The following USP9Y variants were observed in gnomAD, a reference collection of about 807,000 sequenced individuals.
USP9Y encodes ubiquitin carboxyl-terminal hydrolase 9Y.
Under a neutral mutation model 53.1 loss-of-function variants are expected in USP9Y, and 41 were observed. That is an observed-to-expected ratio of 0.77 (90% CI 0.60 to 1.00). The LOEUF (loss-of-function observed/expected upper bound fraction) is 1.00. Among genes scored for constraint, USP9Y ranks in the 50% least tolerant of loss-of-function variants. The probability of loss-of-function intolerance (pLI) is 0.00; values close to 1 mark genes in which losing one functional copy is unlikely to be tolerated. For missense variants in USP9Y, 567 were observed against 535.8 expected (o/e 1.06, Z -0.58); for synonymous variants, 220 against 173.7 (o/e 1.27, Z -2.09).
In USP9Y at chrY:12,739,092, G is replaced by T. The variant is rs750934357; in HGVS notation, c.1318-433G>T. Among the ~76,000 whole-genome samples, 4 of 32,769 alleles carry T rather than the reference G, an allele frequency of 1.2e-4. No homozygotes were observed. In the East Asian group the frequency reaches 3.1e-3, roughly 26 times the overall value. The allele number at this position is 32,769 out of a possible 37,273, so 87.9% of individuals were successfully genotyped here. A position where few individuals can be genotyped will look rare whatever the true frequency, so the allele number is the denominator to read the frequency against. ...TGTTTTTATATTATCTTAATGGCAG[G>T]TTTCTACTCCTGGGTCACTTGGGGA... On this transcript the variant is annotated intron_variant, in intron 11 of 45. Coordinates refer to ENST00000338981, the MANE Select transcript of USP9Y (RefSeq NM_004654.4).
At chrY:12,784,811 A>G in intron 22 of USP9Y, among the ~76,000 whole-genome samples, 1 of 33,130 alleles carries the variant, frequency 3.0e-5, no homozygotes. Flanking sequence ...GTTTTTACCT[A>G]ACTGTCTCAG....
intron 42 of USP9Y, 110 bp downstream of exon 42, chrY:12,847,437 G>T (rs1603203951): frequency 5.6e-6 from 1 of 177,273 alleles, no homozygotes; most frequent in Non-Finnish European, 1.0e-5. Context: ...GCTTAATGTT[G>T]TCTTTAAAAA....
At chrY:12,722,339 T>C in intron 5 of USP9Y, 152 bp downstream of exon 5, 2 of 134,219 alleles carry the variant, frequency 1.5e-5, no homozygotes, top group Admixed American at 1.3e-4. Flanking sequence ...ATTTTACATA[T>C]ATACATGCAT....
intron 24 of USP9Y, among the ~76,000 whole-genome samples, chrY:12,789,384 C>A (rs2053505236): frequency 6.1e-5 from 2 of 33,032 alleles, no homozygotes; most frequent in Admixed American, 5.5e-4. Flanking sequence ...ATAATCCCAG[C>A]ATTTTGGGAG....
At chrY:12,816,510 G>A (rs2148289662) in intron 32 of USP9Y, among the ~76,000 whole-genome samples, 166 bp downstream of exon 32, 1 of 33,915 alleles carries the variant, frequency 2.9e-5, no homozygotes, top group South Asian at 6.4e-4. Context: ...CTATGTAATA[G>A]ACTTAAAACT....
chrY:12,705,143 C>G, intron 1 of USP9Y, among the ~76,000 whole-genome samples: 1 of 32,630 alleles, frequency 3.1e-5, no homozygotes, highest in Non-Finnish European at 7.5e-5. Flanking sequence ...TTGCTGTGTC[C>G]CATCAGTTTT....
chrY:12,738,107 T>TA (rs1459972611), intron 10 of USP9Y, 50 bp from the exon 11 acceptor site: 5 of 335,166 alleles, frequency 1.5e-5, no homozygotes, highest in Non-Finnish European at 2.1e-5. Context: ...TTTCGCTTTT[T>TA]AAAAAAATTT....
chrY:12,733,249 T>C, intron 7 of USP9Y, among the ~76,000 whole-genome samples: 2 of 30,923 alleles, frequency 6.5e-5, no homozygotes, highest in Admixed American at 5.9e-4. Context: ...AGTCTGGCTG[T>C]GTTTCTCCAA....
chrY:12,802,742 T>C, intron 27 of USP9Y: 2 of 28,220 alleles, frequency 7.1e-5, no homozygotes, highest in South Asian at 8.9e-4. Context: ...TTTTTTTCTT[T>C]TTTTTTTTTT....
intron 12 of USP9Y, among the ~76,000 whole-genome samples, chrY:12,755,001 G>A (rs2053466968): frequency 3.1e-5 from 1 of 32,362 alleles, no homozygotes; most frequent in Non-Finnish European, 7.5e-5. Context: ...CTGCTGTGTC[G>A]TGTCTTGATG....
intron 32 of USP9Y, among the ~76,000 whole-genome samples, chrY:12,817,610 C>T: frequency 2.9e-5 from 1 of 34,068 alleles, no homozygotes; most frequent in Non-Finnish European, 7.3e-5. Flanking sequence ...TTAAGTCCTA[C>T]TTTTATAGCC....
At chrY:12,793,658 C>T in intron 27 of USP9Y, among the ~76,000 whole-genome samples, 1 of 33,390 alleles carries the variant, frequency 3.0e-5, no homozygotes, top group African/African-American at 1.2e-4. Context: ...TAATGACTCC[C>T]ATTTTCACTA....
At chrY:12,711,518 A>G in intron 3 of USP9Y, among the ~76,000 whole-genome samples, 1 of 31,616 alleles carries the variant, frequency 3.2e-5, no homozygotes, top group Non-Finnish European at 7.6e-5. Flanking sequence ...TATGCATTCA[A>G]TGGTATAAAT....
chrY:12,742,454 A>G, intron 12 of USP9Y, among the ~76,000 whole-genome samples: 1 of 33,033 alleles, frequency 3.0e-5, no homozygotes, highest in Non-Finnish European at 7.4e-5. Context: ...AGCTAGACAA[A>G]GAGTGCTGAT....
intron 27 of USP9Y, among the ~76,000 whole-genome samples, chrY:12,796,540 G>A: frequency 3.5e-5 from 1 of 28,306 alleles, no homozygotes; most frequent in African/African-American, 1.4e-4. Flanking sequence ...CAGCCTGGGC[G>A]GCTAAGTGAG....
intron 25 of USP9Y, 35 bp from the exon 26 acceptor site, chrY:12,791,464 G>A: frequency 2.6e-6 from 1 of 383,534 alleles, no homozygotes; most frequent in South Asian, 3.1e-5. Context: ...TTAATGTTCT[G>A]CCAGCACTTT....
intron 28 of USP9Y, 45 bp downstream of exon 28, chrY:12,810,332 C>A: frequency 6.6e-6 from 2 of 304,501 alleles, no homozygotes; most frequent in Non-Finnish European, 5.0e-6. Flanking sequence ...GCATTCTTAA[C>A]ATGAGAGACA....
In USP9Y at chrY:12,763,752, A is replaced by T. The variant is rs763339452; in HGVS notation, c.1900+3135A>T. ...CAGCAGTATGATCTCTGCTCACTACAGCTTCTGCCTCCCAGGTTCAAGTGA... is the reference window on the plus strand; with the variant it reads ...CAGCAGTATGATCTCTGCTCACTACTGCTTCTGCCTCCCAGGTTCAAGTGA... On this transcript the variant is annotated intron_variant, in intron 15 of 45. Transcript: ENST00000338981. 1.4e-3 allele frequency among the ~76,000 whole-genome samples: 32 copies of T among 23,474 alleles called. No individual in the cohort carries two copies. The East Asian group carries it at 0.032, about 23-fold the overall frequency. The allele number at this position is 23,474 out of a possible 37,273, so 63.0% of individuals were successfully genotyped here. A position where few individuals can be genotyped will look rare whatever the true frequency, so the allele number is the denominator to read the frequency against.
intron 24 of USP9Y, among the ~76,000 whole-genome samples, chrY:12,789,744 A>C (rs1263855117): frequency 5.9e-5 from 2 of 33,828 alleles, no homozygotes; most frequent in Non-Finnish European, 1.5e-4. Flanking sequence ...ATTAGAATGC[A>C]GGTGGCATAA....
Sources: allele counts gnomAD v4.1 joint callset (sites outside exome capture counted in the v4.1 genomes callset), GRCh38; gene constraint gnomAD v4.1.1; transcripts MANE v1.5; gene names NCBI Gene and HGNC (gene_info 2026-07-23, HGNC 2026-07-21).